DLGAP1: variants seen among roughly 807,000 people sequenced by gnomAD.
DLGAP1 encodes the protein disks large-associated protein 1.
Under a neutral mutation model 90.8 loss-of-function variants are expected in DLGAP1, and 11 were observed. That is an observed-to-expected ratio of 0.12 (90% CI 0.08 to 0.20). DLGAP1 has a LOEUF of 0.20. DLGAP1 is among the 10% of genes least tolerant of loss of function. DLGAP1 has a pLI of 1.00. For missense variants in DLGAP1, 1,050 were observed against 1,333.8 expected (o/e 0.79, Z 3.31); for synonymous variants, 558 against 540.7 (o/e 1.03, Z -0.44).
chr18:4,086,385 A>C (rs2075681182), intron 2 of DLGAP1, among the ~76,000 whole-genome samples: 1 of 152,194 alleles, frequency 6.6e-6, no homozygotes, highest in South Asian at 2.1e-4. Context: ...ATTATTACTA[A>C]TTACTTTAGC....
At chr18:4,190,121 T>C (rs2077369268) in intron 1 of DLGAP1, among the ~76,000 whole-genome samples, 1 of 152,034 alleles carries the variant, frequency 6.6e-6, no homozygotes, top group African/African-American at 2.4e-5. Context: ...AAGATATCCT[T>C]TAATAGATGA....
At chr18:4,447,704 G>A (rs1380894017) in intron 1 of DLGAP1, among the ~76,000 whole-genome samples, 2 of 152,196 alleles carry the variant, frequency 1.3e-5, no homozygotes, top group Non-Finnish European at 2.9e-5. Flanking sequence ...CACAGGTACA[G>A]AGTAAAAGAG....
intron 12 of DLGAP1, among the ~76,000 whole-genome samples, chr18:3,501,297 G>A (rs2049920520): frequency 6.6e-6 from 1 of 151,870 alleles, no homozygotes; most frequent in African/African-American, 2.4e-5. Context: ...GTGTGCATTT[G>A]TAGTGTTTTC....
chr18:3,611,192 C>G (rs2057604946), intron 7 of DLGAP1, among the ~76,000 whole-genome samples: 1 of 151,748 alleles, frequency 6.6e-6, no homozygotes. Flanking sequence ...GTTTTATAGA[C>G]TCAAATTATC....
chr18:4,331,972 A>C (rs1006521445), intron 1 of DLGAP1, among the ~76,000 whole-genome samples: 1 of 151,942 alleles, frequency 6.6e-6, no homozygotes, highest in Non-Finnish European at 1.5e-5. Context: ...CCTTGCTCTC[A>C]AGGAGCTTAC....
rs944731361 is a variant in DLGAP1, at chr18:3,584,549, G to A, written c.1592-2301C>T. Among the ~76,000 whole-genome samples the A allele has an allele frequency of 4.6e-5, 7 of 152,274 alleles. No homozygotes were observed. In the South Asian group the frequency reaches 8.3e-4, roughly 18 times the overall value. On this transcript the variant is annotated intron_variant, in intron 7 of 12. Transcript: ENST00000315677. ...CCATAAAATAGATGGAGACAATAAT[G>A]TTTGGCTATTTCCCAGGGATTGCCT...
chr18:4,065,832 T>C (rs773753143), intron 2 of DLGAP1, among the ~76,000 whole-genome samples: 22 of 144,226 alleles, frequency 1.5e-4, no homozygotes, highest in Admixed American at 2.8e-4. Context: ...TAAATTCACA[T>C]GGAACAAAAA....
intron 1 of DLGAP1, among the ~76,000 whole-genome samples, chr18:4,227,690 G>A (rs2078220661): frequency 6.6e-6 from 1 of 151,372 alleles, no homozygotes; most frequent in African/African-American, 2.4e-5. Context: ...ATGGGATACA[G>A]CAAAAGCAGT....
intron 1 of DLGAP1, among the ~76,000 whole-genome samples, chr18:4,349,063 A>G (rs560671950): frequency 6.6e-6 from 1 of 152,150 alleles, no homozygotes; most frequent in African/African-American, 2.4e-5. Flanking sequence ...CTTATTAGCT[A>G]CAAGGGAAAA....
intron 6 of DLGAP1, among the ~76,000 whole-genome samples, chr18:3,735,727 T>C (rs1326257544): frequency 6.6e-6 from 1 of 152,186 alleles, no homozygotes; most frequent in African/African-American, 2.4e-5. Flanking sequence ...GCTACTAGCA[T>C]GTATCAGGTA....
chr18:4,110,135 A>G (rs1286279021), intron 2 of DLGAP1, among the ~76,000 whole-genome samples: 1 of 152,212 alleles, frequency 6.6e-6, no homozygotes, highest in Non-Finnish European at 1.5e-5. Flanking sequence ...ATTTACACAG[A>G]CCTGGATGAC....
At chr18:4,070,139 C>T (rs776797844) in intron 2 of DLGAP1, among the ~76,000 whole-genome samples, 6 of 152,130 alleles carry the variant, frequency 3.9e-5, no homozygotes, top group Non-Finnish European at 7.4e-5. Context: ...CCTGCCATTA[C>T]GCCTGGCTAA....
At chr18:3,680,719 G>A (rs959326319) in intron 7 of DLGAP1, among the ~76,000 whole-genome samples, 2 of 151,312 alleles carry the variant, frequency 1.3e-5, no homozygotes, top group African/African-American at 4.9e-5. Flanking sequence ...AACCCGGGAG[G>A]CGGAGCTTGC....
At chr18:4,147,545 T>G (rs1422962314) in intron 2 of DLGAP1, among the ~76,000 whole-genome samples, 1 of 152,084 alleles carries the variant, frequency 6.6e-6, no homozygotes, top group Non-Finnish European at 1.5e-5. Context: ...AACCAGTTCT[T>G]GGTTGCTAAA....
intron 4 of DLGAP1, among the ~76,000 whole-genome samples, chr18:3,827,910 G>A (rs957697514): frequency 2.0e-5 from 3 of 152,172 alleles, no homozygotes; most frequent in Non-Finnish European, 2.9e-5. Flanking sequence ...ATTAATCAGA[G>A]AGACACTGTT....
intron 9 of DLGAP1, among the ~76,000 whole-genome samples, chr18:3,567,063 T>TTCA (rs879553105): frequency 0.034 from 5,136 of 149,138 alleles, 268 homozygotes; most frequent in African/African-American, 0.12. Context: ...CATTCATTCA[T>TTCA]TCATTCATCA....
In DLGAP1 at chr18:4,378,162, C is replaced by T. The variant is rs1045645591; in HGVS notation, c.-267+76844G>A. ...ATTATATATATTTGAAAAAAGTCTG[C>T]AAAGATACTACAAACTATGGTTATC... On this transcript the variant is annotated intron_variant, in intron 1 of 12. Transcript: ENST00000315677. This position sits in a 1 kb window ranked among gnomAD's most constrained non-coding sequence, Gnocchi z 4.5. Among the ~76,000 whole-genome samples, 1 of 149,786 alleles carries T rather than the reference C, an allele frequency of 6.7e-6. No individual in the cohort carries two copies. Among genetic ancestry groups the T allele is most frequent in the Non-Finnish European group, 1.5e-5 (1 of 67,542 alleles).
At chr18:3,559,009 C>T (rs2053920454) in intron 9 of DLGAP1, among the ~76,000 whole-genome samples, 1 of 152,158 alleles carries the variant, frequency 6.6e-6, no homozygotes, top group African/African-American at 2.4e-5. Flanking sequence ...ACAAAGACAT[C>T]ATCCTATTTA....
chr18:4,377,466 G>A (rs2144276457), intron 1 of DLGAP1, among the ~76,000 whole-genome samples: 1 of 152,238 alleles, frequency 6.6e-6, no homozygotes, highest in South Asian at 2.1e-4. Context: ...TTGTCAGTTT[G>A]AGAAAACATG....
Sources: gnomAD v4.1 joint callset for allele counts (sites outside exome capture counted in the v4.1 genomes callset) on GRCh38, gnomAD v4.1.1 for gene constraint, Gnocchi (gnomAD v3.1) non-coding constraint, MANE v1.5 for transcripts, NCBI Gene and HGNC (gene_info 2026-07-23, HGNC 2026-07-21) for gene names.